Variants in RABGEF1 observed in about 807,000 individuals in gnomAD.
RABGEF1 encodes RAB guanine nucleotide exchange factor 1, also known as rab5 GDP/GTP exchange factor.
RABGEF1 carries 26 observed loss-of-function variants against 57.3 expected under a neutral mutation model. The observed-to-expected ratio is 0.45, with a 90% CI of 0.33 to 0.63. The LOEUF (loss-of-function observed/expected upper bound fraction) is 0.63, where lower values mean the gene tolerates loss of function less well. RABGEF1 is among the 20% of genes least tolerant of loss of function. The pLI, the probability that RABGEF1 is intolerant of heterozygous loss-of-function variation, is 0.02. For missense variants in RABGEF1, 464 were observed against 607.6 expected (o/e 0.76, Z 2.48); for synonymous variants, 185 against 210.7 (o/e 0.88, Z 1.06).
At chr7:66,762,865 A>C (rs573585704) in intron 1 of RABGEF1, among the ~76,000 whole-genome samples, 1 of 152,284 alleles carries the variant, frequency 6.6e-6, no homozygotes, top group Admixed American at 6.5e-5. Context: ...GAAAGCTTAG[A>C]CCTAAACGAT....
At chr7:66,794,720 A>C (rs1208159925) in intron 4 of RABGEF1, among the ~76,000 whole-genome samples, 1 of 152,166 alleles carries the variant, frequency 6.6e-6, no homozygotes, top group African/African-American at 2.4e-5. Context: ...GGTTAATGCC[A>C]CTTTTGGAAA....
chr7:66,718,103 G>A (rs1412836884), intron 2 of RABGEF1, among the ~76,000 whole-genome samples: 1 of 152,128 alleles, frequency 6.6e-6, no homozygotes, highest in Non-Finnish European at 1.5e-5. Context: ...AGCACTTTGG[G>A]AGGCTGAAGC....
chr7:66,703,458 G>T (rs1447741975), intron 1 of RABGEF1, among the ~76,000 whole-genome samples: 3 of 152,104 alleles, frequency 2.0e-5, no homozygotes, highest in Admixed American at 1.3e-4. Flanking sequence ...TTTGAATTAT[G>T]ATGTCAGGTA....
intron 2 of RABGEF1, among the ~76,000 whole-genome samples, chr7:66,773,530 G>C (rs1381363281): frequency 1.3e-5 from 2 of 152,200 alleles, no homozygotes; most frequent in Non-Finnish European, 2.9e-5. Flanking sequence ...CTTACCCACA[G>C]AGTCTCTGAT....
chr7:66,654,966 G>T, the RABGEF1 span, among the ~76,000 whole-genome samples: 1 of 152,200 alleles, frequency 6.6e-6, no homozygotes, highest in Non-Finnish European at 1.5e-5. Context: ...GGCTCCCCTC[G>T]TCCCGGCTCT....
intron 1 of RABGEF1, among the ~76,000 whole-genome samples, chr7:66,711,338 T>C (rs1794744995): frequency 6.6e-6 from 1 of 152,146 alleles, no homozygotes; most frequent in African/African-American, 2.4e-5. Context: ...AATGTCACAA[T>C]ATTTTTTTCG....
intron 2 of RABGEF1, among the ~76,000 whole-genome samples, chr7:66,774,524 G>T: frequency 6.6e-6 from 1 of 152,132 alleles, no homozygotes; most frequent in South Asian, 2.1e-4. Context: ...GCTACATTCA[G>T]CTTGTTGTGA....
intron 1 of RABGEF1, among the ~76,000 whole-genome samples, chr7:66,742,897 G>C (rs183248759): frequency 1.1e-3 from 161 of 152,264 alleles, no homozygotes; most frequent in African/African-American, 3.6e-3. Context: ...ATCAGCTACC[G>C]AGCCTGGAGG....
At chr7:66,660,010 G>T in the RABGEF1 span, among the ~76,000 whole-genome samples, 1 of 143,018 alleles carries the variant, frequency 7.0e-6, no homozygotes, top group Non-Finnish European at 1.5e-5. Context: ...GATTGACTAA[G>T]AAAAAAAAAA....
chr7:66,781,183 G>T (rs531895565), intron 3 of RABGEF1, among the ~76,000 whole-genome samples: 1 of 151,320 alleles, frequency 6.6e-6, no homozygotes, highest in East Asian at 2.0e-4. Context: ...ATACCTCTTT[G>T]TTCTGTTTTG....
intron 1 of RABGEF1, among the ~76,000 whole-genome samples, chr7:66,711,103 T>C (rs1212596150): frequency 6.6e-6 from 1 of 152,236 alleles, no homozygotes; most frequent in East Asian, 1.9e-4. Context: ...GAGGCTGCAG[T>C]GAGCTGTGAT....
At chr7:66,793,907 T>G (rs2129168473) in intron 4 of RABGEF1, among the ~76,000 whole-genome samples, 1 of 152,210 alleles carries the variant, frequency 6.6e-6, no homozygotes, top group East Asian at 1.9e-4. Flanking sequence ...AGATGAAGTC[T>G]GTGACAGCCC....
chr7:66,708,862 A>G (rs1794445972), intron 1 of RABGEF1, among the ~76,000 whole-genome samples: 1 of 152,104 alleles, frequency 6.6e-6, no homozygotes, highest in African/African-American at 2.4e-5. Context: ...GTTTTGCTCT[A>G]ATACAGCCAA....
intron 8 of RABGEF1, 76 bp from the exon 9 acceptor site, chr7:66,808,810 T>C (rs756376231): frequency 3.6e-6 from 5 of 1,378,260 alleles, no homozygotes; most frequent in Non-Finnish European, 4.9e-6. Context: ...TGGTCTGTGA[T>C]CAAAAGATTT....
the RABGEF1 span, among the ~76,000 whole-genome samples, chr7:66,675,439 GAAAC>G: frequency 2.6e-5 from 4 of 151,582 alleles, 1 homozygote; most frequent in South Asian, 2.1e-4. Flanking sequence ...TCAAAAAAAA[GAAAC>G]AAACAAAAAA....
intron 4 of RABGEF1, 112 bp downstream of exon 4, chr7:66,783,953 G>C: frequency 1.9e-6 from 2 of 1,058,286 alleles, no homozygotes; most frequent in Non-Finnish European, 2.6e-6. Flanking sequence ...CAGACCAAGA[G>C]ATGTTAAATT....
chr7:66,773,177 T>C (rs1333223208), intron 2 of RABGEF1, among the ~76,000 whole-genome samples: 1 of 152,044 alleles, frequency 6.6e-6, no homozygotes, highest in African/African-American at 2.4e-5. Context: ...TACACATTGC[T>C]TTCAGTGACT....
intron 1 of RABGEF1, among the ~76,000 whole-genome samples, chr7:66,771,541 C>A (rs977177188): frequency 1.3e-5 from 2 of 152,128 alleles, no homozygotes; most frequent in Non-Finnish European, 2.9e-5. Context: ...AATCCAGTGT[C>A]GGGAAGCTTT....
the RABGEF1 span, among the ~76,000 whole-genome samples, chr7:66,668,336 A>G: frequency 6.6e-6 from 1 of 152,192 alleles, no homozygotes; most frequent in Non-Finnish European, 1.5e-5. Context: ...GCCTCTAGCC[A>G]TCCTTCTACC....
Sources: allele counts gnomAD v4.1 joint callset (sites outside exome capture counted in the v4.1 genomes callset), GRCh38; gene constraint gnomAD v4.1.1; transcripts MANE v1.5; gene names NCBI Gene and HGNC (gene_info 2026-07-23, HGNC 2026-07-21).